Variants in RAD50 observed in about 807,000 individuals in gnomAD.
The protein encoded by RAD50 is DNA repair protein RAD50.
In RAD50, 132 loss-of-function variants were observed where a neutral mutation model predicts 168.8. That is an observed-to-expected ratio of 0.78 (90% CI 0.68 to 0.90). RAD50 has a LOEUF of 0.90. Among genes scored for constraint, RAD50 ranks in the 40% least tolerant of loss-of-function variants. The probability of loss-of-function intolerance (pLI) is 0.00; values close to 1 mark genes in which losing one functional copy is unlikely to be tolerated. For synonymous variants in RAD50, 525 were observed against 497.4 expected, an observed-to-expected ratio of 1.06 and a Z score of -0.74; for missense variants, 1,347 against 1,534.4, an observed-to-expected ratio of 0.88 and a Z score of 2.04.
chr5:132,640,512 G>A (rs1484568128), intron 23 of RAD50, among the ~76,000 whole-genome samples, 160 bp from the exon 24 acceptor site: 5 of 152,160 alleles, frequency 3.3e-5, no homozygotes, highest in African/African-American at 1.2e-4. Context: ...ATAAGAATCT[G>A]GTCCCAGTGC....
rs142214122 is a variant in RAD50 at position 132,583,215 on chromosome 5, C to T, written c.756+3149C>T. Among the ~76,000 whole-genome samples, 1,514 of 152,122 alleles carry T rather than the reference C, an allele frequency of 1.0e-2. 15 individuals are homozygous for T. The highest frequency in any genetic ancestry group is 0.016 in the Non-Finnish European group (1,097 of 67,990). On this transcript the variant is annotated intron_variant, in intron 5 of 24. Transcript: ENST00000378823. ...GAATGTTTACTGCCTAACACTAACC[C>T]GAGTGCTTTAAAATGTATAATGTAA...
Position 132,601,321 on chromosome 5 carries a change from T to C in RAD50, c.2208-1979T>C, listed in dbSNP as rs112606414. On this transcript the variant is annotated intron_variant, in intron 13 of 24. Transcript: ENST00000378823. ...CCAGAAAACTTCTTTTAACATCTTA[T>C]GTAATCATCAAAAAAGAAGGCACCA... Among the ~76,000 whole-genome samples, 1,144 of 152,300 alleles carry C rather than the reference T, an allele frequency of 7.5e-3. 15 individuals are homozygous for C. Among genetic ancestry groups the C allele is most frequent in the African/African-American group, 0.025 (1,049 of 41,562 alleles).
chr5:132,578,262 C>T (rs1428699322), intron 3 of RAD50, among the ~76,000 whole-genome samples: 1 of 152,142 alleles, frequency 6.6e-6, no homozygotes, highest in African/African-American at 2.4e-5. Context: ...TGAATGATAC[C>T]ACTATCCGTC....
At chr5:132,585,339 G>C (rs1750577854) in intron 5 of RAD50, among the ~76,000 whole-genome samples, 1 of 152,102 alleles carries the variant, frequency 6.6e-6, no homozygotes, top group South Asian at 2.1e-4. Flanking sequence ...ACTTAGTACT[G>C]TCAGTCTTTT....
In RAD50 at chr5:132,589,780, G is replaced by A. The variant is rs1296323903; in HGVS notation, c.1395G>A (p.Gln465=). 1.9e-6 allele frequency: 3 copies of A among 1,613,786 alleles called. No homozygotes were observed. Among genetic ancestry groups the A allele is most frequent in the Non-Finnish European group, 2.5e-6 (3 of 1,179,860 alleles). ...TGAAAAATGTGAAGTATGAATTACA[G>A]CAGTTGGAAGGATCTTCAGACAGGA... The part of the protein sequence containing the change: ...NELKNVKYEL[Q]QLEGSSDRIL... Residue 465 remains glutamine, a synonymous_variant, in exon 9 of 25, where the codon CAG becomes CAA. Transcript: ENST00000378823.
chr5:132,566,796 T>G (rs1474072816), intron 2 of RAD50, among the ~76,000 whole-genome samples: 2 of 152,220 alleles, frequency 1.3e-5, no homozygotes, highest in South Asian at 4.1e-4. Context: ...TTTCCCTACT[T>G]TCTATGCCAA....
intron 22 of RAD50, 78 bp from the exon 23 acceptor site, chr5:132,638,003 G>A (rs1688618110): frequency 3.4e-6 from 5 of 1,476,318 alleles, no homozygotes; most frequent in Non-Finnish European, 4.7e-6. Context: ...GTTGTTCCTA[G>A]GCTTACTTGA....
rs1751032925 is a variant in RAD50 at position 132,608,852 on chromosome 5, G to A, written c.2829+127G>A. 6 of 1,403,360 alleles carry A rather than the reference G, an allele frequency of 4.3e-6. No homozygotes were observed. The East Asian group carries it at 1.5e-4, about 35-fold the overall frequency. The allele number at this position is 1,403,360 out of a possible 1,614,324, so 86.9% of individuals were successfully genotyped here. A position where few individuals can be genotyped will look rare whatever the true frequency, so the allele number is the denominator to read the frequency against. On this transcript the variant is annotated intron_variant, in intron 17 of 24. Coordinates refer to ENST00000378823, the MANE Select transcript of RAD50 (RefSeq NM_005732.4). Reference sequence around the variant, plus strand: ...GATAAATAGTATTTTCAGATTCATGGTATAATTTTGACATTAGAAATTCTT... The same window carrying A: ...GATAAATAGTATTTTCAGATTCATGATATAATTTTGACATTAGAAATTCTT...
At chr5:132,637,317 T>G in intron 22 of RAD50, 117 bp downstream of exon 22, 1 of 1,467,316 alleles carries the variant, frequency 6.8e-7, no homozygotes, top group Non-Finnish European at 9.2e-7. Context: ...AGCATGTCTT[T>G]GAGATTTTCT....
chr5:132,615,963 C>G, intron 19 of RAD50, 40 bp from the exon 20 acceptor site: 1 of 1,534,554 alleles, frequency 6.5e-7, no homozygotes, highest in African/African-American at 1.4e-5. Context: ...ATGTTAGTAA[C>G]TTGGTTATTT....
At chr5:132,633,672 C>G (rs1439121999) in intron 21 of RAD50, among the ~76,000 whole-genome samples, 1 of 151,294 alleles carries the variant, frequency 6.6e-6, no homozygotes, top group Admixed American at 6.6e-5. Context: ...ACTTCCCGGG[C>G]TCAGTTGATC....
At chr5:132,582,835 C>T (rs777960692) in intron 5 of RAD50, among the ~76,000 whole-genome samples, 1 of 152,068 alleles carries the variant, frequency 6.6e-6, no homozygotes, top group Non-Finnish European at 1.5e-5. Context: ...GCTCCTTTTA[C>T]TAGGTGTGTA....
intron 19 of RAD50, among the ~76,000 whole-genome samples, chr5:132,614,670 AT>A (rs1751145956): frequency 6.6e-6 from 1 of 151,954 alleles, no homozygotes; most frequent in Admixed American, 6.6e-5. Flanking sequence ...ATTATTTTAA[AT>A]TTGTATTTTT....
intron 21 of RAD50, among the ~76,000 whole-genome samples, chr5:132,625,366 G>A (rs889192177): frequency 1.1e-4 from 16 of 152,092 alleles, no homozygotes; most frequent in South Asian, 2.1e-4. Flanking sequence ...GATTACAGGC[G>A]TGAGCCACCG....
At chr5:132,595,859 A>C in intron 13 of RAD50, 49 bp downstream of exon 13, 1 of 1,517,546 alleles carries the variant, frequency 6.6e-7, no homozygotes, top group Non-Finnish European at 9.1e-7. Flanking sequence ...ACATTGTAAA[A>C]GGTACCCATC....
At chr5:132,594,376 TGTACTA>T (rs1350814905) in intron 11 of RAD50, among the ~76,000 whole-genome samples, 1 of 152,146 alleles carries the variant, frequency 6.6e-6, no homozygotes, top group Non-Finnish European at 1.5e-5. Context: ...GGGGATAAAT[TGTACTA>T]GTAAGCAAAA....
intron 19 of RAD50, 26 bp from the exon 20 acceptor site, chr5:132,615,977 T>G: frequency 6.4e-7 from 1 of 1,558,676 alleles, no homozygotes; most frequent in Non-Finnish European, 8.8e-7. Flanking sequence ...GTTATTTTTG[T>G]TAACTAATTT....
intron 21 of RAD50, among the ~76,000 whole-genome samples, chr5:132,635,827 C>T (rs528237498): frequency 3.4e-4 from 51 of 152,082 alleles, no homozygotes; most frequent in African/African-American, 1.1e-3. Flanking sequence ...TTAGGAAATA[C>T]TTAGATGTTT....
intron 21 of RAD50, 66 bp downstream of exon 21, chr5:132,618,360 T>G: frequency 6.3e-7 from 1 of 1,581,972 alleles, no homozygotes; most frequent in East Asian, 2.3e-5. Flanking sequence ...AGTCATCTTT[T>G]CTCTCATTTT....
Sources: allele counts gnomAD v4.1 joint callset (sites outside exome capture counted in the v4.1 genomes callset), GRCh38; gene constraint gnomAD v4.1.1; transcripts MANE v1.5; gene names NCBI Gene and HGNC (gene_info 2026-07-23, HGNC 2026-07-21).